PAPLN: variants seen among roughly 807,000 people sequenced by gnomAD.
PAPLN encodes papilin.
In PAPLN, 146 loss-of-function variants were observed where a neutral mutation model predicts 159.0. The observed-to-expected ratio is 0.92, with a 90% confidence interval of 0.80 to 1.05. The LOEUF is 1.05. Ranked by LOEUF, PAPLN falls within the 50% of genes least tolerant of loss-of-function variation. The pLI is 0.00. For missense variants in PAPLN, 1,720 were observed against 1,743.9 expected (o/e 0.99, Z 0.24); for synonymous variants, 734 against 702.9 (o/e 1.04, Z -0.70).
In PAPLN at chr14:73,269,334, A is replaced by G. The variant is rs142792470; in HGVS notation, c.3667+611A>G. Among the ~76,000 whole-genome samples, 115 of 151,862 alleles carry G rather than the reference A, an allele frequency of 7.6e-4. 2 individuals are homozygous for G. The East Asian group carries it at 0.021, about 28-fold the overall frequency. Reference sequence around the variant, plus strand: ...ACCCCCACGAAATTACTATACTTGTACCTAAGTGGAATCTTACTTGCATCA... The same window carrying G: ...ACCCCCACGAAATTACTATACTTGTGCCTAAGTGGAATCTTACTTGCATCA... On this transcript the variant is annotated intron_variant, in intron 26 of 26. Transcript: ENST00000644200.
Position 73,245,926 on chromosome 14 carries a change from G to A in PAPLN, c.232-147G>A. 1.1e-6 allele frequency: 1 copy of A among 912,270 alleles called. No homozygotes were observed. The highest frequency in any genetic ancestry group is 1.6e-6 in the Non-Finnish European group (1 of 625,866). The allele number at this position is 912,270 out of a possible 1,614,324, so 56.5% of individuals were successfully genotyped here. ...CATGGAGGGGCACGCACAGGAGTTC[G>A]GGGGTCCGGGGGGCGGACTCCACCT... On this transcript the variant is annotated intron_variant, in intron 4 of 26. Coordinates refer to ENST00000644200, the MANE Select transcript of PAPLN (RefSeq NM_001365906.3). This position sits in a 1 kb window ranked among gnomAD's most constrained non-coding sequence, Gnocchi z 4.2.
rs150041669 is a variant in PAPLN at position 73,250,912 on chromosome 14, C to A, written c.471C>A (p.Val157=). The change falls in exon 7 of 27, where the codon GTC becomes GTA. Residue 157 remains valine (V), a synonymous_variant. Coordinates refer to ENST00000644200, the MANE Select transcript of PAPLN (RefSeq NM_001365906.3). ...TCCCGCATCTCTGCCCACAGGTTGT[C>A]GGCTGTGATCACGAGCTGGACTCGT... ...DVCVDGSCRV[V]GCDHELDSSK... 3 of 1,611,726 alleles carry A rather than the reference C, an allele frequency of 1.9e-6. No individual in the cohort carries two copies. The highest frequency in any genetic ancestry group is 2.5e-6 in the Non-Finnish European group (3 of 1,179,118).
At position 73,274,244 on chromosome 14, in the gene PAPLN, G is replaced by A. The variant is rs1887967424; in HGVS notation, c.*1580G>A. ...GGAAGACAACATTCTTCATCTCTCA[G>A]GACTTCTAATTCCTTGATGCTAAAA... On this transcript the variant is annotated 3_prime_UTR_variant, in exon 27 of 27. Coordinates refer to ENST00000644200, the MANE Select transcript of PAPLN (RefSeq NM_001365906.3). 1 of 152,208 alleles carries A rather than the reference G, an allele frequency of 6.6e-6. No homozygotes were observed. Among genetic ancestry groups the A allele is most frequent in the Admixed American group, 6.5e-5 (1 of 15,272 alleles). The allele number at this position is 152,208 out of a possible 1,614,324, so 9.4% of individuals were successfully genotyped here. A position where few individuals can be genotyped will look rare whatever the true frequency, so the allele number is the denominator to read the frequency against.
chr14:73,236,785 T>C (rs1179829182), upstream of PAPLN, among the ~76,000 whole-genome samples: 3 of 144,990 alleles, frequency 2.1e-5, no homozygotes, highest in Admixed American at 2.1e-4. Flanking sequence ...CATTGCTCTC[T>C]ACCCTGGGCA....
chr14:73,260,891 T>C, intron 17 of PAPLN, 62 bp downstream of exon 17: 1 of 1,494,330 alleles, frequency 6.7e-7, no homozygotes, highest in Non-Finnish European at 8.9e-7. Flanking sequence ...TCAGTGTCAC[T>C]GTGACCCAGG....
rs748335611 is a variant in PAPLN at position 73,246,127 on chromosome 14, G to A, written c.286G>A (p.Gly96Arg). ...GGCCGAGCAGTGCGCGGAGTTCGAC[G>A]GAGCGGAGTTCCAGGGGCGGCGGTA... ...FRAEQCAEFD[G>R]AEFQGRRYRW... Residue 96 changes from glycine to arginine, a missense_variant, in exon 5 of 27, where the codon GGA becomes AGA. Physicochemically the swap from Gly to Arg is moderately radical, Grantham distance 125 (BLOSUM62 -2). Transcript: ENST00000644200. 2.5e-6 allele frequency: 4 copies of A among 1,591,484 alleles called. No homozygotes were observed. The highest frequency in any genetic ancestry group is 2.4e-5 in the East Asian group (1 of 42,374).
chr14:73,272,672 G>T lies in PAPLN; in HGVS notation c.*8G>T. 6.4e-7 allele frequency: 1 copy of T among 1,558,340 alleles called. No individual in the cohort carries two copies. On this transcript the variant is annotated 3_prime_UTR_variant, in exon 27 of 27. Transcript: ENST00000644200. ...CAGCCCATCTGGCAGTAGGGATGAA[G>T]GCTAGTTCCAGCCCCAGTCCAAAAT...
At position 73,245,523 on chromosome 14, in the gene PAPLN, C is replaced by G. The variant is rs1884132131; in HGVS notation, c.171-113C>G. ...GGTGGGGTCGGGGGACACCCTCTCA[C>G]CTTGCTGCTCCCACTGGAGAGTCCC... On this transcript the variant is annotated intron_variant, in intron 3 of 26. Coordinates refer to ENST00000644200, the MANE Select transcript of PAPLN (RefSeq NM_001365906.3). This position sits in a 1 kb window ranked among gnomAD's most constrained non-coding sequence, Gnocchi z 4.2. 3 of 1,207,494 alleles carry G rather than the reference C, an allele frequency of 2.5e-6. No homozygotes were observed. Among genetic ancestry groups the G allele is most frequent in the Non-Finnish European group, 3.5e-6 (3 of 865,328 alleles). 74.8% of individuals were successfully genotyped at this position (1,207,494 alleles called of 1,614,324 possible).
In PAPLN at chr14:73,272,630, G is replaced by A. The variant is rs752767935; in HGVS notation, c.3803G>A (p.Arg1268His). The A allele has an allele frequency of 3.8e-6, 6 of 1,591,596 alleles. No homozygotes were observed. The highest frequency in any genetic ancestry group is 1.3e-5 in the African/African-American group (1 of 74,576). ...YSSFCCASCS[R>H]FQPHAQPIWQ ...AGCTTCTGCTGTGCCAGCTGTTCACGTTTCCAGCCTCACGCTCAGCCCATC... is the reference window on the plus strand; with the variant it reads ...AGCTTCTGCTGTGCCAGCTGTTCACATTTCCAGCCTCACGCTCAGCCCATC... Residue 1268 changes from arginine (R) to histidine (H), a missense_variant, in exon 27 of 27, where the codon CGT becomes CAT. Arg to His is a conservative substitution (Grantham distance 29). Coordinates refer to ENST00000644200, the MANE Select transcript of PAPLN (RefSeq NM_001365906.3).
Position 73,259,323 on chromosome 14 carries a change from ACAGGGGAGAACGAGGTGACCC to A in PAPLN, c.1770_1790del (p.Glu591_Gly597del). The stretch of plus-strand genomic sequence containing the variant: ...GAACACCCCTCAGCCAGGGGTGACC[ACAGGGGAGAACGAGGTGACCC>A]CAGGGGCGACCAAGGCACCCACCTG... On this transcript the variant is annotated inframe_deletion, in exon 16 of 27. Coordinates refer to ENST00000644200, the MANE Select transcript of PAPLN (RefSeq NM_001365906.3). The A allele has an allele frequency of 6.8e-6, 11 of 1,606,944 alleles. No homozygotes were observed. Among genetic ancestry groups the A allele is most frequent in the Non-Finnish European group, 9.4e-6 (11 of 1,175,822 alleles).
At position 73,265,380 on chromosome 14, in the gene PAPLN, GACCAGA is replaced by G; in HGVS notation, c.3142_3147del (p.Asn1048_Gln1049del). 1 of 1,609,980 alleles carries G rather than the reference GACCAGA, an allele frequency of 6.2e-7. No homozygotes were observed. The highest frequency in any genetic ancestry group is 8.5e-7 in the Non-Finnish European group (1 of 1,179,924). On this transcript the variant is annotated inframe_deletion, in exon 23 of 27. Transcript: ENST00000644200. The surrounding 1 kb of genome is among the most constrained non-coding windows in gnomAD (Gnocchi z 4.1). ...CTGCTTGTTTGGCAGGCTGCGTTTG[GACCAGA>G]ACCAGCCCCGGGTGGTGGATGCCAG...
intron 5 of PAPLN, among the ~76,000 whole-genome samples, chr14:73,248,233 G>A (rs908175422): frequency 1.2e-4 from 18 of 144,560 alleles, no homozygotes; most frequent in South Asian, 2.3e-4. Flanking sequence ...GGCCCAGTGG[G>A]AGTCTCATAT....
rs531973214 is a variant in PAPLN, at chr14:73,246,397, ATTTT to A, written c.334+248_334+251del. Among the ~76,000 whole-genome samples the A allele has an allele frequency of 2.0e-4, 17 of 84,640 alleles. No individual in the cohort carries two copies. In the East Asian group the frequency reaches 2.9e-3, roughly 14 times the overall value. The allele number at this position is 84,640 out of a possible 152,430, so 55.5% of individuals were successfully genotyped here. A position where few individuals can be genotyped will look rare whatever the true frequency, so the allele number is the denominator to read the frequency against. Reference sequence around the variant, plus strand: ...AGGCGTGAGCCACTGTACCCGACCAATTTTTTTTTTTTTTTTTTTTTTTTTTTTT... The same window carrying A: ...AGGCGTGAGCCACTGTACCCGACCAATTTTTTTTTTTTTTTTTTTTTTTTT... On this transcript the variant is annotated intron_variant, in intron 5 of 26. Coordinates refer to ENST00000644200, the MANE Select transcript of PAPLN (RefSeq NM_001365906.3).
chr14:73,266,831 G>A lies in PAPLN; in HGVS notation c.3500G>A (p.Arg1167Lys). 6.2e-7 allele frequency: 1 copy of A among 1,608,580 alleles called. No homozygotes were observed. Among genetic ancestry groups the A allele is most frequent in the Non-Finnish European group, 8.5e-7 (1 of 1,177,252 alleles). ...AGESVNIRWS[R>K]NGLPVQADGH... ...GAAAGTGTGAACATCAGGTGGTCCA[G>A]GTAAAGGCTCTATTCCAAGTTGTCC... Residue 1167 changes from arginine to lysine, a missense_variant and splice_region_variant, in exon 25 of 27, where the codon AGG becomes AAG. Coordinates refer to ENST00000644200, the MANE Select transcript of PAPLN (RefSeq NM_001365906.3).
At chr14:73,257,088 C>T (rs1253658023) in intron 14 of PAPLN, among the ~76,000 whole-genome samples, 1 of 152,122 alleles carries the variant, frequency 6.6e-6, no homozygotes, top group Non-Finnish European at 1.5e-5. Context: ...CCTCCCACAT[C>T]AGCCTCCTGT....
At chr14:73,272,181 G>C (rs1224138607) in intron 26 of PAPLN, 1 of 232,102 alleles carries the variant, frequency 4.3e-6, no homozygotes, top group African/African-American at 2.3e-5. Context: ...AACATAAGGA[G>C]TTAACTTCAA....
chr14:73,254,401 G>C, intron 12 of PAPLN, 112 bp from the exon 13 acceptor site: 1 of 1,337,860 alleles, frequency 7.5e-7, no homozygotes, highest in South Asian at 1.3e-5. Context: ...GAAGGACATG[G>C]GCAGTTGGGT....
intron 13 of PAPLN, 55 bp from the exon 14 acceptor site, chr14:73,254,822 C>CA: frequency 4.4e-6 from 7 of 1,601,106 alleles, no homozygotes; most frequent in Non-Finnish European, 4.3e-6. Flanking sequence ...CCATGTGGGT[C>CA]CCCGCCCCCA....
At position 73,259,041 on chromosome 14, in the gene PAPLN, C is replaced by T; in HGVS notation, c.1690C>T (p.Gln564Ter). 1 of 1,612,356 alleles carries T rather than the reference C, an allele frequency of 6.2e-7. No homozygotes were observed. Among genetic ancestry groups the T allele is most frequent in the Non-Finnish European group, 8.5e-7 (1 of 1,179,216 alleles). The stretch of plus-strand genomic sequence containing the variant: ...CAACCCCTGGATGCCGTTGGGCCCT[C>T]AGGAGTCCCCTGCCTCAGGTGAGAG... ...ASNPWMPLGP[Q>*]ESPASDSRGQ... The change falls in exon 15 of 27, where the codon CAG becomes TAG. Residue 564 changes from glutamine (Q) to a stop codon, truncating the protein, a stop_gained. Transcript: ENST00000644200. LOFTEE classifies it high-confidence loss of function.
Sources: allele counts gnomAD v4.1 joint callset (sites outside exome capture counted in the v4.1 genomes callset), GRCh38; gene constraint gnomAD v4.1.1; non-coding constraint Gnocchi (gnomAD v3.1); transcripts MANE v1.5; gene names NCBI Gene and HGNC (gene_info 2026-07-23, HGNC 2026-07-21).